Variants in IL16 observed in about 807,000 individuals in gnomAD.
The protein encoded by IL16 is interleukin 16.
IL16 carries 67 observed loss-of-function variants against 110.1 expected under a neutral mutation model. That is an observed-to-expected ratio of 0.61 (90% CI 0.50 to 0.75). The LOEUF (loss-of-function observed/expected upper bound fraction) is 0.75. Ranked by LOEUF, IL16 falls within the 30% of genes least tolerant of loss-of-function variation. The pLI is 0.00. For missense variants in IL16, 1,545 were observed against 1,655.0 expected, an observed-to-expected ratio of 0.93 and a Z score of 1.15; for synonymous variants, 689 against 662.9, an observed-to-expected ratio of 1.04 and a Z score of -0.61.
rs17875495 is a variant in IL16 at position 81,295,291 on chromosome 15, C to T, written c.1903-1637C>T. The T allele has an allele frequency of 7.4e-4, 718 of 973,594 alleles. 8 individuals carry two copies. In the African/African-American group the frequency reaches 0.011, roughly 16 times the overall value. 60.3% of individuals were successfully genotyped at this position (973,594 alleles called of 1,614,324 possible). On this transcript the variant is annotated intron_variant, in intron 12 of 18. Coordinates refer to ENST00000683961, the MANE Select transcript of IL16 (RefSeq NM_172217.5). ...CCACCAAGCATGGTTCCAGGAAACA[C>T]TAGTAAGAGAAAAATTTGTGTAAAA...
At chr15:81,228,106 A>G (rs1896848199) in intron 2 of IL16, among the ~76,000 whole-genome samples, 2 of 152,076 alleles carry the variant, frequency 1.3e-5, no homozygotes, top group African/African-American at 4.8e-5. Flanking sequence ...TGCGTCTGCA[A>G]AGACAGGCGA....
chr15:81,224,889 G>A (rs1333266539), intron 1 of IL16, among the ~76,000 whole-genome samples: 1 of 152,140 alleles, frequency 6.6e-6, no homozygotes, highest in Non-Finnish European at 1.5e-5. Flanking sequence ...TCTATAGACT[G>A]GAGTTCACTG....
At position 81,217,446 on chromosome 15, in the gene IL16, C is replaced by G. The variant is rs372068775; in HGVS notation, c.-101-7853C>G. ...GAACTACCTAAAGGGGATGCCAGGACCAAAAAATTTTATGGAAAAAATATT... is the reference window on the plus strand; with the variant it reads ...GAACTACCTAAAGGGGATGCCAGGAGCAAAAAATTTTATGGAAAAAATATT... On this transcript the variant is annotated intron_variant, in intron 1 of 18. Transcript: ENST00000683961. Among the ~76,000 whole-genome samples the G allele has an allele frequency of 3.3e-5, 5 of 151,964 alleles. No homozygotes were observed. In the East Asian group the frequency reaches 5.8e-4, roughly 18 times the overall value.
At chr15:81,182,774 T>C in exon 1 of IL16, 1 of 780,204 alleles carries the variant, frequency 1.3e-6, no homozygotes, top group South Asian at 1.4e-5. Context: ...GCCGAGAAGC[T>C]GCCATCGATC....
At chr15:81,272,561 G>A (rs200131427) in intron 5 of IL16, among the ~76,000 whole-genome samples, 1 of 152,214 alleles carries the variant, frequency 6.6e-6, no homozygotes, top group African/African-American at 2.4e-5. Flanking sequence ...GCACGTGATT[G>A]GAGGGATGTC....
Position 81,279,538 on chromosome 15 carries a change from G to A in IL16, c.865-20G>A. 1.3e-6 allele frequency: 2 copies of A among 1,588,796 alleles called. No homozygotes were observed. The highest frequency in any genetic ancestry group is 2.2e-5 in the South Asian group (2 of 90,566). ...CCCTGGATTGCTGCTGGGTGTTGTA[G>A]CCCTCTCTCTTTCTTTCAGCAAGCC... On this transcript the variant is annotated intron_variant, in intron 7 of 18. Transcript: ENST00000683961.
intron 1 of IL16, among the ~76,000 whole-genome samples, chr15:81,199,661 C>T (rs979594305): frequency 6.6e-6 from 1 of 152,146 alleles, no homozygotes; most frequent in African/African-American, 2.4e-5. Flanking sequence ...GAGGCGGTCA[C>T]CTACAAACAT....
At chr15:81,302,173 G>C (rs1900320108) in intron 15 of IL16, 1 of 152,356 alleles carries the variant, frequency 6.6e-6, no homozygotes, top group Non-Finnish European at 1.5e-5. Flanking sequence ...ATCCAGGCTA[G>C]GATGAGAGGA....
chr15:81,186,606 C>T (rs895802725), intron 1 of IL16, among the ~76,000 whole-genome samples: 2 of 152,184 alleles, frequency 1.3e-5, no homozygotes, highest in Admixed American at 6.5e-5. Flanking sequence ...TTAACCATTC[C>T]CCAATTATGG....
chr15:81,304,165 G>A (rs373100134), intron 16 of IL16, among the ~76,000 whole-genome samples: 25 of 152,204 alleles, frequency 1.6e-4, no homozygotes, highest in African/African-American at 5.3e-4. Context: ...ATGTTCCTGC[G>A]TGTCACTTCA....
chr15:81,218,302 G>A (rs139883640), intron 1 of IL16, among the ~76,000 whole-genome samples: 1 of 151,904 alleles, frequency 6.6e-6, no homozygotes, highest in Non-Finnish European at 1.5e-5. Flanking sequence ...AAAATATTTA[G>A]AGCCCAAATA....
At chr15:81,262,788 G>A (rs1898209624) in intron 3 of IL16, among the ~76,000 whole-genome samples, 1 of 152,122 alleles carries the variant, frequency 6.6e-6, no homozygotes, top group South Asian at 2.1e-4. Context: ...AAAATTAGCC[G>A]GGAGTGGTGG....
At chr15:81,284,198 A>T (rs1899334678) in intron 9 of IL16, among the ~76,000 whole-genome samples, 1 of 152,198 alleles carries the variant, frequency 6.6e-6, no homozygotes, top group Non-Finnish European at 1.5e-5. Flanking sequence ...AATTTGTTAC[A>T]ATACTTTGCA....
At chr15:81,279,535 G>A in intron 7 of IL16, 23 bp from the exon 8 acceptor site, 1 of 1,582,896 alleles carries the variant, frequency 6.3e-7, no homozygotes. Flanking sequence ...GCTGGGTGTT[G>A]TAGCCCTCTC....
At chr15:81,199,402 TG>T (rs1381740451) in intron 1 of IL16, among the ~76,000 whole-genome samples, 6 of 152,122 alleles carry the variant, frequency 3.9e-5, no homozygotes, top group Non-Finnish European at 7.4e-5. Context: ...TGAAGGACGT[TG>T]GGTGGAAGGG....
chr15:81,217,255 A>G (rs767525670), intron 1 of IL16, among the ~76,000 whole-genome samples: 11 of 152,322 alleles, frequency 7.2e-5, no homozygotes, highest in Non-Finnish European at 1.6e-4. Flanking sequence ...AGATTTTAGA[A>G]AATATTTAAA....
chr15:81,300,474 A>G lies in IL16; in HGVS notation c.3148A>G (p.Asn1050Asp). 1 of 1,604,944 alleles carries G rather than the reference A, an allele frequency of 6.2e-7. No homozygotes were observed. Among genetic ancestry groups the G allele is most frequent in the African/African-American group, 1.3e-5 (1 of 74,780 alleles). ...TGCCTTGGACACAGGGTTCTCGCTC[A>G]AGTGAGTTTCTACACCCGGTGTTTC... Reference protein sequence around the residue: ...TSALDTGFSLNLSELREYTEG... With the variant: ...TSALDTGFSLDLSELREYTEG... Residue 1050 changes from asparagine to aspartate, a missense_variant and splice_region_variant, in exon 14 of 19, where the codon AAC becomes GAC. This residue lies in a region of IL16 where 356 missense variants were observed against 399.3 expected (regional missense o/e 0.89). Coordinates refer to ENST00000683961, the MANE Select transcript of IL16 (RefSeq NM_172217.5).
At chr15:81,231,560 G>A (rs1469565476) in intron 2 of IL16, among the ~76,000 whole-genome samples, 6 of 151,952 alleles carry the variant, frequency 3.9e-5, no homozygotes, top group Non-Finnish European at 8.8e-5. Context: ...TTTTGTAGAG[G>A]TGGGGTTTCA....
intron 11 of IL16, 117 bp from the exon 12 acceptor site, chr15:81,292,439 A>G: frequency 6.9e-7 from 1 of 1,444,806 alleles, no homozygotes; most frequent in Non-Finnish European, 9.7e-7. Context: ...GTGACTTCAG[A>G]TAAGAAGCAG....
Sources: allele counts gnomAD v4.1 joint callset (sites outside exome capture counted in the v4.1 genomes callset), GRCh38; gene constraint gnomAD v4.1.1; regional missense constraint gnomAD v4.1.1; transcripts MANE v1.5; gene names NCBI Gene and HGNC (gene_info 2026-07-23, HGNC 2026-07-21).